The following SLK variants were observed in gnomAD, a reference collection of about 807,000 sequenced individuals.
SLK encodes the protein STE20-like serine/threonine-protein kinase.
A neutral mutation model predicts 147.7 loss-of-function variants in SLK; 67 were observed. The observed-to-expected ratio is 0.45, with a 90% CI of 0.37 to 0.56. The LOEUF (loss-of-function observed/expected upper bound fraction) is 0.56. Ranked by LOEUF, SLK falls within the 20% of genes least tolerant of loss-of-function variation. SLK has a pLI of 0.00. For synonymous variants in SLK, 441 were observed against 475.0 expected, an observed-to-expected ratio of 0.93 and a Z score of 0.93; for missense variants, 1,136 against 1,438.8, an observed-to-expected ratio of 0.79 and a Z score of 3.41.
intron 1 of SLK, among the ~76,000 whole-genome samples, chr10:103,984,475 G>T (rs1004780706): frequency 6.6e-6 from 1 of 152,164 alleles, no homozygotes; most frequent in Non-Finnish European, 1.5e-5. Flanking sequence ...GCGCAATGGT[G>T]CAATCTTGGC....
chr10:103,986,406 C>A (rs1844013651), intron 1 of SLK, among the ~76,000 whole-genome samples: 1 of 152,120 alleles, frequency 6.6e-6, no homozygotes, highest in African/African-American at 2.4e-5. Context: ...ACGCAGTTCA[C>A]AATAGGGTTC....
At chr10:103,987,342 T>G (rs961184322) in intron 1 of SLK, among the ~76,000 whole-genome samples, 4 of 152,204 alleles carry the variant, frequency 2.6e-5, no homozygotes, top group African/African-American at 9.7e-5. Context: ...GATACATCTT[T>G]AAAATCTCCA....
At chr10:104,020,006 T>A in intron 16 of SLK, 84 bp downstream of exon 16, 2 of 1,129,600 alleles carry the variant, frequency 1.8e-6, no homozygotes, top group Non-Finnish European at 2.6e-6. Flanking sequence ...CCTTTCTTTC[T>A]AAACAATTAG....
Position 103,967,898 on chromosome 10 carries a change from AAG to A in SLK, c.150+6_150+7del, listed in dbSNP as rs67597452. 883,290 of 1,611,710 alleles carry A rather than the reference AAG, an allele frequency of 0.55. 246,408 individuals are homozygous for A. Among genetic ancestry groups the A allele is most frequent in the East Asian group, 0.72 (32,381 of 44,744 alleles). Reference sequence around the variant, plus strand: ...GAGCCTTTGGGAAAGTGTACAAGGTAAGAGGGGGAAAACGGGAAGTTGTACTG... The same window carrying A: ...GAGCCTTTGGGAAAGTGTACAAGGTAAGGGGGAAAACGGGAAGTTGTACTG... On this transcript the variant is annotated splice_donor_5th_base_variant and intron_variant, in intron 1 of 18. Transcript: ENST00000369755.
In SLK at chr10:104,019,005, G is replaced by C. The variant is rs574738678; in HGVS notation, c.3132+97G>C. The C allele has an allele frequency of 2.0e-4, 249 of 1,221,712 alleles. No individual in the cohort carries two copies. In the African/African-American group the frequency reaches 3.3e-3, roughly 16 times the overall value. 75.7% of individuals were successfully genotyped at this position (1,221,712 alleles called of 1,614,324 possible). On this transcript the variant is annotated intron_variant, in intron 15 of 18. Coordinates refer to ENST00000369755, the MANE Select transcript of SLK (RefSeq NM_014720.4). ...TAAGTTTCTTAGATAATGAATTTTA[G>C]ATTTCCTTTCTGTCTTTTATCCTAC...
chr10:103,984,903 G>A (rs1238440765), intron 1 of SLK, among the ~76,000 whole-genome samples: 5 of 152,218 alleles, frequency 3.3e-5, no homozygotes, highest in Non-Finnish European at 7.3e-5. Context: ...TTTGTTGGAA[G>A]AATGAATGGA....
At chr10:104,018,942 TC>T in intron 15 of SLK, 34 bp downstream of exon 15, 2 of 1,545,642 alleles carry the variant, frequency 1.3e-6, no homozygotes, top group Non-Finnish European at 1.7e-6. Context: ...ATTTTTTTGT[TC>T]GTTTTAAAGT....
intron 1 of SLK, among the ~76,000 whole-genome samples, chr10:103,973,583 T>A (rs1843822236): frequency 6.6e-6 from 1 of 152,232 alleles, no homozygotes; most frequent in Admixed American, 6.5e-5. Context: ...AATTAACCTC[T>A]CTTTGATATT....
intron 1 of SLK, among the ~76,000 whole-genome samples, chr10:103,989,010 C>T (rs763911593): frequency 6.6e-6 from 1 of 152,098 alleles, no homozygotes; most frequent in Non-Finnish European, 1.5e-5. Flanking sequence ...GCCCTTAGCA[C>T]AGTGCATAGC....
At chr10:103,968,539 A>C (rs1843749194) in intron 1 of SLK, among the ~76,000 whole-genome samples, 1 of 152,210 alleles carries the variant, frequency 6.6e-6, no homozygotes, top group African/African-American at 2.4e-5. Context: ...ACACACACGC[A>C]TGTATTTATT....
chr10:103,985,547 G>A (rs893032889), intron 1 of SLK, among the ~76,000 whole-genome samples: 1 of 151,020 alleles, frequency 6.6e-6, no homozygotes, highest in Non-Finnish European at 1.5e-5. Flanking sequence ...CAGTCCCAGT[G>A]ATTATTTTTT....
intron 13 of SLK, among the ~76,000 whole-genome samples, chr10:104,014,401 A>G (rs555482390): frequency 1.3e-5 from 2 of 152,320 alleles, no homozygotes; most frequent in South Asian, 4.1e-4. Context: ...AGCTCATTTA[A>G]CACTGTAATT....
chr10:103,971,487 G>T (rs952559787), intron 1 of SLK, among the ~76,000 whole-genome samples: 1 of 152,140 alleles, frequency 6.6e-6, no homozygotes, highest in African/African-American at 2.4e-5. Flanking sequence ...TGTTTGCCAG[G>T]GTGGTCTTTC....
intron 1 of SLK, among the ~76,000 whole-genome samples, chr10:103,969,187 T>C (rs1376259402): frequency 6.6e-6 from 1 of 152,174 alleles, no homozygotes; most frequent in African/African-American, 2.4e-5. Flanking sequence ...CAGGCTGGTC[T>C]TGAACTCCCG....
chr10:104,000,529 C>T (rs805652), intron 7 of SLK, among the ~76,000 whole-genome samples: 32,463 of 151,996 alleles, frequency 0.21, 3,842 homozygotes, highest in African/African-American at 0.32. Flanking sequence ...AGCAAGTATA[C>T]CCCTGGAACA....
chr10:103,977,241 A>C, intron 1 of SLK, among the ~76,000 whole-genome samples: 1 of 152,334 alleles, frequency 6.6e-6, no homozygotes, highest in Admixed American at 6.5e-5. Context: ...TTAGAAAATA[A>C]ATTTATTAGA....
rs181180373 is a variant in SLK at position 103,980,108 on chromosome 10, G to A, written c.151-10567G>A. 1.6e-4 allele frequency among the ~76,000 whole-genome samples: 25 copies of A among 152,204 alleles called. No homozygotes were observed. The East Asian group carries it at 4.1e-3, about 25-fold the overall frequency. On this transcript the variant is annotated intron_variant, in intron 1 of 18. Transcript: ENST00000369755. ...CCCAGCACCATGTACTTTAAAGACCGTCCTTTTCTTACTGCTTTGCAATGC... is the reference window on the plus strand; with the variant it reads ...CCCAGCACCATGTACTTTAAAGACCATCCTTTTCTTACTGCTTTGCAATGC...
chr10:103,986,765 A>C (rs140688369), intron 1 of SLK, among the ~76,000 whole-genome samples: 4 of 134,490 alleles, frequency 3.0e-5, no homozygotes, highest in African/African-American at 1.1e-4. Context: ...TGCAACCTCT[A>C]TCTCCTGGGT....
chr10:104,001,082 A>C (rs1279393569), intron 7 of SLK, among the ~76,000 whole-genome samples: 10 of 151,054 alleles, frequency 6.6e-5, no homozygotes, highest in Admixed American at 6.6e-4. Context: ...AAAAAAAAAA[A>C]AAAAGTAATA....
Sources: gnomAD v4.1 joint callset for allele counts (sites outside exome capture counted in the v4.1 genomes callset) on GRCh38, gnomAD v4.1.1 for gene constraint, MANE v1.5 for transcripts, NCBI Gene and HGNC (gene_info 2026-07-23, HGNC 2026-07-21) for gene names.